Variants in DCC observed in about 807,000 individuals in gnomAD.
DCC encodes the protein netrin receptor DCC.
DCC carries 58 observed loss-of-function variants against 172.5 expected under a neutral mutation model. That is an observed-to-expected ratio of 0.34 (90% CI 0.27 to 0.42). The LOEUF (loss-of-function observed/expected upper bound fraction) is 0.42, where lower values mean the gene tolerates loss of function less well. DCC is among the 10% of genes least tolerant of loss of function. The pLI, the probability that DCC is intolerant of heterozygous loss-of-function variation, is 1.00. For synonymous variants in DCC, 709 were observed against 644.5 expected, an observed-to-expected ratio of 1.10 and a Z score of -1.52; for missense variants, 1,740 against 1,791.0, an observed-to-expected ratio of 0.97 and a Z score of 0.51.
chr18:52,917,056 G>A (rs1222855076), intron 3 of DCC, among the ~76,000 whole-genome samples: 2 of 141,270 alleles, frequency 1.4e-5, no homozygotes, highest in Non-Finnish European at 3.0e-5. Flanking sequence ...GCTGAGACAG[G>A]CAGATTGCTT....
intron 1 of DCC, among the ~76,000 whole-genome samples, chr18:52,567,997 G>C (rs1373261374): frequency 6.6e-6 from 1 of 152,092 alleles, no homozygotes; most frequent in Non-Finnish European, 1.5e-5. Context: ...CTGTAGTTTA[G>C]TTTGTCATAT....
At position 53,435,379 on chromosome 18, in the gene DCC, A is replaced by C. The variant is rs188786093; in HGVS notation, c.3229+170A>C. On this transcript the variant is annotated intron_variant, in intron 22 of 28. Transcript: ENST00000442544. ...ATTAAAAAACAAAAACAAAAACAAA[A>C]AAAACAAAAAACTTCTAGCACATTC... 7.3e-3 allele frequency among the ~76,000 whole-genome samples: 1,114 copies of C among 152,266 alleles called. 17 individuals are homozygous for C. Among genetic ancestry groups the C allele is most frequent in the Admixed American group, 0.027 (413 of 15,300 alleles).
chr18:52,599,667 C>A (rs1424405670), intron 1 of DCC, among the ~76,000 whole-genome samples: 1 of 152,044 alleles, frequency 6.6e-6, no homozygotes, highest in African/African-American at 2.4e-5. Flanking sequence ...GGCGCTGCTA[C>A]CACGCCTGAC....
chr18:53,366,311 G>A (rs1216495669), intron 15 of DCC, among the ~76,000 whole-genome samples: 2 of 152,144 alleles, frequency 1.3e-5, no homozygotes, highest in Admixed American at 6.5e-5. Context: ...GCCTCCCAAA[G>A]TGGTGGGATT....
chr18:53,157,481 A>G lies in DCC; in HGVS notation c.1387A>G (p.Thr463Ala), dbSNP rs775880833. The G allele has an allele frequency of 2.4e-5, 38 of 1,613,988 alleles. No homozygotes were observed. The highest frequency in any genetic ancestry group is 2.7e-5 in the Non-Finnish European group (32 of 1,180,002). Residue 463 changes from threonine to alanine, a missense_variant, in exon 8 of 29, where the codon ACG (threonine) becomes GCG (alanine). By Grantham distance (58) the Thr-to-Ala change is moderately conservative (BLOSUM62 0). This residue lies in a region of DCC where 1,732 missense variants were observed against 1,767.4 expected (regional missense o/e 0.98). Coordinates refer to ENST00000442544, the MANE Select transcript of DCC (RefSeq NM_005215.4). ...AGCGAAAGGGAACATTCAAACTTTCACGGTCTTTTTCTCCAGAGAAGGTGA... is the reference window on the plus strand; with the variant it reads ...AGCGAAAGGGAACATTCAAACTTTCGCGGTCTTTTTCTCCAGAGAAGGTGA... Reference protein sequence around the residue: ...AEAKGNIQTFTVFFSREGDNR... With the variant: ...AEAKGNIQTFAVFFSREGDNR...
intron 12 of DCC, among the ~76,000 whole-genome samples, chr18:53,272,061 G>A (rs921708654): frequency 1.3e-5 from 2 of 152,144 alleles, no homozygotes; most frequent in African/African-American, 4.8e-5. Context: ...GTGCTTCAGA[G>A]TGACTGGTCC....
At position 52,634,090 on chromosome 18, in the gene DCC, A is replaced by G. The variant is rs563750562; in HGVS notation, c.92-117964A>G. ...GAGGAGTCACTCTCTTCAGCATTAA[A>G]CATCTCATTAAGTGACTTCCTCAAT... On this transcript the variant is annotated intron_variant, in intron 1 of 28. Coordinates refer to ENST00000442544, the MANE Select transcript of DCC (RefSeq NM_005215.4). Among the ~76,000 whole-genome samples, 3 of 152,320 alleles carry G rather than the reference A, an allele frequency of 2.0e-5. No individual in the cohort carries two copies. The East Asian group carries it at 5.8e-4, about 29-fold the overall frequency.
intron 5 of DCC, among the ~76,000 whole-genome samples, chr18:53,025,795 T>TAC (rs34351949): frequency 0.18 from 25,654 of 141,324 alleles, 2,300 homozygotes; most frequent in African/African-American, 0.26. Flanking sequence ...AAAACTATGA[T>TAC]ACACACACAC....
chr18:52,749,700 T>C (rs1157026975), intron 1 of DCC, among the ~76,000 whole-genome samples: 2 of 152,190 alleles, frequency 1.3e-5, no homozygotes, highest in Non-Finnish European at 2.9e-5. Flanking sequence ...GGATTATTTA[T>C]GTGTGATAAT....
chr18:53,526,734 A>G lies in DCC; in HGVS notation c.4229A>G (p.His1410Arg), dbSNP rs2144618178. ...GCCCCTGAAGTGTCTGAGGAGAGCC[A>G]CAAACCAACAGAGGATTCAGCCAAT... ...PTAPEVSEES[H>R]KPTEDSANVY... The change falls in exon 28 of 29, where the codon CAC (histidine) becomes CGC (arginine). Residue 1410 changes from histidine (H) to arginine (R), a missense_variant. This residue lies in a region of DCC where 1,732 missense variants were observed against 1,767.4 expected (regional missense o/e 0.98). Transcript: ENST00000442544. 1.2e-6 allele frequency: 2 copies of G among 1,613,478 alleles called. No individual in the cohort carries two copies. The highest frequency in any genetic ancestry group is 1.1e-5 in the South Asian group (1 of 91,076).
intron 5 of DCC, among the ~76,000 whole-genome samples, chr18:52,976,375 G>C (rs369551264): frequency 3.3e-5 from 5 of 151,924 alleles, no homozygotes; most frequent in African/African-American, 9.6e-5. Flanking sequence ...GTCAATTTTT[G>C]CTTTTGTTGC....
At chr18:53,062,508 T>G (rs1208651340) in intron 5 of DCC, among the ~76,000 whole-genome samples, 1 of 152,166 alleles carries the variant, frequency 6.6e-6, no homozygotes, top group Non-Finnish European at 1.5e-5. Context: ...GATGTCACTC[T>G]TAAGTTTCCC....
intron 7 of DCC, among the ~76,000 whole-genome samples, chr18:53,079,271 C>T (rs572447992): frequency 3.4e-4 from 51 of 152,028 alleles, no homozygotes; most frequent in Non-Finnish European, 4.4e-4. Context: ...ATTTTTGACA[C>T]GTAGACCACC....
intron 5 of DCC, among the ~76,000 whole-genome samples, chr18:52,963,119 A>T (rs1261779348): frequency 1.3e-5 from 2 of 151,940 alleles, no homozygotes; most frequent in East Asian, 3.9e-4. Context: ...AAATTAAAAA[A>T]ATAAAAAAAA....
intron 13 of DCC, among the ~76,000 whole-genome samples, chr18:53,309,192 C>T (rs1195839283): frequency 6.6e-6 from 1 of 152,038 alleles, no homozygotes; most frequent in Non-Finnish European, 1.5e-5. Flanking sequence ...TGTGTTTCAC[C>T]ACACCCAGCT....
At chr18:53,270,472 C>A (rs1044721083) in intron 12 of DCC, among the ~76,000 whole-genome samples, 35 of 152,026 alleles carry the variant, frequency 2.3e-4, no homozygotes, top group African/African-American at 7.7e-4. Context: ...AGATTTTAAT[C>A]CTAGAGTTTG....
intron 18 of DCC, among the ~76,000 whole-genome samples, chr18:53,399,434 C>T (rs1469650605): frequency 2.0e-5 from 3 of 151,976 alleles, no homozygotes; most frequent in African/African-American, 7.2e-5. Flanking sequence ...GCTTGTTTTC[C>T]AAAGAGAAAA....
chr18:52,453,297 T>C (rs770265268), intron 1 of DCC, among the ~76,000 whole-genome samples: 35 of 152,232 alleles, frequency 2.3e-4, no homozygotes, highest in Non-Finnish European at 3.7e-4. Context: ...GTTAGTACCA[T>C]ACAATGAATA....
intron 5 of DCC, among the ~76,000 whole-genome samples, chr18:52,939,132 A>G (rs577182405): frequency 2.4e-4 from 37 of 152,268 alleles, no homozygotes; most frequent in African/African-American, 8.7e-4. Flanking sequence ...ACATTCTACC[A>G]TTATTCACTA....
Sources: allele counts gnomAD v4.1 joint callset (sites outside exome capture counted in the v4.1 genomes callset), GRCh38; gene constraint gnomAD v4.1.1; regional missense constraint gnomAD v4.1.1; transcripts MANE v1.5; gene names NCBI Gene and HGNC (gene_info 2026-07-23, HGNC 2026-07-21).